PIK3CB: variants seen among roughly 807,000 people sequenced by gnomAD.
The protein encoded by PIK3CB is phosphatidylinositol-4,5-bisphosphate 3-kinase catalytic subunit beta, also known as phosphatidylinositol 4,5-bisphosphate 3-kinase catalytic subunit beta isoform.
A neutral mutation model predicts 136.8 loss-of-function variants in PIK3CB; 39 were observed. That is an observed-to-expected ratio of 0.29 (90% CI 0.22 to 0.37). The LOEUF is 0.37. Among genes scored for constraint, PIK3CB ranks in the 10% least tolerant of loss-of-function variants. The pLI is 1.00. For synonymous variants in PIK3CB, 428 were observed against 436.6 expected (o/e 0.98, Z 0.25); for missense variants, 868 against 1,275.4 (o/e 0.68, Z 4.87).
intron 1 of PIK3CB, among the ~76,000 whole-genome samples, chr3:138,803,554 TTAATTGGATA>T (rs1439254847): frequency 2.0e-5 from 3 of 152,176 alleles, no homozygotes; most frequent in African/African-American, 7.2e-5. Context: ...AGATTGTTCA[TTAATTGGATA>T]TATGCAGCAG....
chr3:138,676,853 TG>T (rs1405114931), intron 19 of PIK3CB, among the ~76,000 whole-genome samples: 2 of 151,960 alleles, frequency 1.3e-5, no homozygotes, highest in African/African-American at 4.8e-5. Flanking sequence ...GGGAGGGGGT[TG>T]GGGGTAACAG....
At chr3:138,804,842 G>T (rs1054455573) in intron 1 of PIK3CB, among the ~76,000 whole-genome samples, 1 of 151,928 alleles carries the variant, frequency 6.6e-6, no homozygotes, top group African/African-American at 2.4e-5. Context: ...GGCTAACATG[G>T]TGAAACCCCG....
At chr3:138,670,709 T>C (rs1386535978) in intron 19 of PIK3CB, among the ~76,000 whole-genome samples, 2 of 152,222 alleles carry the variant, frequency 1.3e-5, no homozygotes, top group Non-Finnish European at 2.9e-5. Flanking sequence ...GTATACCTTA[T>C]GAGTGTTTGA....
intron 1 of PIK3CB, among the ~76,000 whole-genome samples, chr3:138,826,848 C>T (rs1378415071): frequency 6.6e-6 from 1 of 151,638 alleles, no homozygotes; most frequent in Non-Finnish European, 1.5e-5. Flanking sequence ...GCAGGCGGAT[C>T]GCCTGAGGTC....
intron 8 of PIK3CB, among the ~76,000 whole-genome samples, chr3:138,731,559 C>T (rs373830983): frequency 2.0e-5 from 3 of 151,886 alleles, no homozygotes; most frequent in Non-Finnish European, 4.4e-5. Context: ...AGCCTGTTTG[C>T]ACTTTTTCAT....
intron 2 of PIK3CB, among the ~76,000 whole-genome samples, chr3:138,794,602 A>T (rs2046088404): frequency 6.6e-6 from 1 of 152,208 alleles, no homozygotes; most frequent in Non-Finnish European, 1.5e-5. Flanking sequence ...GGAGGCCATT[A>T]TATACTGAAT....
intron 8 of PIK3CB, among the ~76,000 whole-genome samples, chr3:138,726,082 C>G (rs761642406): frequency 6.6e-6 from 1 of 152,200 alleles, no homozygotes; most frequent in Admixed American, 6.5e-5. Flanking sequence ...TTCAAGTCTT[C>G]TTGCAGGGCT....
At chr3:138,731,265 T>C (rs2044966608) in intron 8 of PIK3CB, among the ~76,000 whole-genome samples, 1 of 152,108 alleles carries the variant, frequency 6.6e-6, no homozygotes, top group African/African-American at 2.4e-5. Context: ...TTTCTTTTTT[T>C]TGGGGGAGAT....
intron 2 of PIK3CB, chr3:138,778,358 C>T: frequency 3.2e-6 from 1 of 314,552 alleles, no homozygotes; most frequent in Non-Finnish European, 6.3e-6. Context: ...CTCATCCATG[C>T]TACTATCACT....
rs2043159433 is a variant in PIK3CB at position 138,654,433 on chromosome 3, C to G, written c.*956G>C. The G allele has an allele frequency of 4.4e-6, 1 of 227,138 alleles. No individual in the cohort carries two copies. Among genetic ancestry groups the G allele is most frequent in the Non-Finnish European group, 8.7e-6 (1 of 114,400 alleles). 14.1% of individuals were successfully genotyped at this position (227,138 alleles called of 1,614,324 possible). A position where few individuals can be genotyped will look rare whatever the true frequency, so the allele number is the denominator to read the frequency against. On this transcript the variant is annotated 3_prime_UTR_variant, in exon 24 of 24. Coordinates refer to ENST00000674063, the MANE Select transcript of PIK3CB (RefSeq NM_006219.3). ...TAATAAATACAGTAAGAAGAGCTGGCATTTTTCTAAAATACTGAATTTCAG... is the reference window on the plus strand; with the variant it reads ...TAATAAATACAGTAAGAAGAGCTGGGATTTTTCTAAAATACTGAATTTCAG...
intron 14 of PIK3CB, among the ~76,000 whole-genome samples, chr3:138,693,724 T>C (rs1330450556): frequency 6.6e-6 from 1 of 151,634 alleles, no homozygotes; most frequent in Non-Finnish European, 1.5e-5. Context: ...TTAAAAAGCA[T>C]GATATAAACT....
chr3:138,777,976 T>C lies in PIK3CB; in HGVS notation c.-17+18487A>G, dbSNP rs1489628580. 1.3e-5 allele frequency: 5 copies of C among 386,874 alleles called. No individual in the cohort carries two copies. In the East Asian group the frequency reaches 2.6e-4, roughly 20 times the overall value. The allele number at this position is 386,874 out of a possible 1,614,324, so 24.0% of individuals were successfully genotyped here. The stretch of plus-strand genomic sequence containing the variant: ...CGGTCTATATGTTCCATGATGATTC[T>C]ACCCATGGCAAATTCCGTGGCACAG... On this transcript the variant is annotated intron_variant, in intron 2 of 23. Transcript: ENST00000674063.
intron 2 of PIK3CB, among the ~76,000 whole-genome samples, chr3:138,770,849 T>A (rs980185029): frequency 6.6e-6 from 1 of 151,260 alleles, no homozygotes; most frequent in Non-Finnish European, 1.5e-5. Flanking sequence ...GAAGCTGGTA[T>A]TACAGGCACC....
At chr3:138,669,427 G>A (rs111818962) in intron 19 of PIK3CB, among the ~76,000 whole-genome samples, 22 of 108,496 alleles carry the variant, frequency 2.0e-4, no homozygotes, top group South Asian at 3.2e-4. Flanking sequence ...AAAAAAAAAA[G>A]GGGGGGGGGA....
At chr3:138,759,448 C>T in intron 2 of PIK3CB, 89 bp from the exon 3 acceptor site, 2 of 790,764 alleles carry the variant, frequency 2.5e-6, no homozygotes, top group Non-Finnish European at 4.0e-6. Context: ...TACAATTAGT[C>T]CTTAGATTTC....
intron 1 of PIK3CB, among the ~76,000 whole-genome samples, chr3:138,800,363 T>C (rs1360088875): frequency 1.3e-5 from 2 of 152,084 alleles, no homozygotes; most frequent in Non-Finnish European, 2.9e-5. Context: ...ACAGAGTCTT[T>C]GTCACCCAAA....
intron 16 of PIK3CB, among the ~76,000 whole-genome samples, chr3:138,687,578 T>C (rs566782093): frequency 6.6e-6 from 1 of 152,254 alleles, no homozygotes; most frequent in South Asian, 2.1e-4. Context: ...CAAGCAATCC[T>C]CCCACCTCGG....
At chr3:138,687,668 T>G (rs2043922965) in intron 16 of PIK3CB, among the ~76,000 whole-genome samples, 1 of 152,140 alleles carries the variant, frequency 6.6e-6, no homozygotes, top group Non-Finnish European at 1.5e-5. Flanking sequence ...TTGTGCAGGT[T>G]AGTCTCAAAC....
At chr3:138,660,391 TA>T (rs2043275080) in intron 21 of PIK3CB, among the ~76,000 whole-genome samples, 1 of 152,242 alleles carries the variant, frequency 6.6e-6, no homozygotes, top group Admixed American at 6.5e-5. Context: ...AGATACAATA[TA>T]TTTTTTTGCT....
Sources: allele counts gnomAD v4.1 joint callset (sites outside exome capture counted in the v4.1 genomes callset), GRCh38; gene constraint gnomAD v4.1.1; transcripts MANE v1.5; gene names NCBI Gene and HGNC (gene_info 2026-07-23, HGNC 2026-07-21).